The following NIBAN2 variants were observed in gnomAD, a reference collection of about 807,000 sequenced individuals.
NIBAN2 encodes niban apoptosis regulator 2, also known as protein Niban 2.
NIBAN2 carries 36 observed loss-of-function variants against 81.8 expected under a neutral mutation model. The ratio of observed to expected loss-of-function variants is 0.44; its 90% confidence interval spans 0.34 to 0.58. The LOEUF is 0.58. NIBAN2 is among the 20% of genes least tolerant of loss of function. The probability of loss-of-function intolerance (pLI) is 0.02; values close to 1 mark genes in which losing one functional copy is unlikely to be tolerated. For missense variants in NIBAN2, 897 were observed against 1,014.1 expected (o/e 0.88, Z 1.57); for synonymous variants, 445 against 441.6 (o/e 1.01, Z -0.10).
intron 1 of NIBAN2, among the ~76,000 whole-genome samples, chr9:127,537,437 A>C (rs918248973): frequency 6.6e-6 from 1 of 152,228 alleles, no homozygotes; most frequent in African/African-American, 2.4e-5. Context: ...TAATCCAATA[A>C]AGATTTGTTT....
At chr9:127,526,673 C>A (rs889411669) in intron 3 of NIBAN2, among the ~76,000 whole-genome samples, 1 of 152,168 alleles carries the variant, frequency 6.6e-6, no homozygotes, top group Non-Finnish European at 1.5e-5. Flanking sequence ...GTGGCTCAAC[C>A]AGGTGGGGCT....
chr9:127,521,422 G>A lies in NIBAN2; in HGVS notation c.589+2257C>T, dbSNP rs139910110. On this transcript the variant is annotated intron_variant, in intron 5 of 13. Transcript: ENST00000373312. ...AGAAGCCTTGACCTCTGCACCCCAG[G>A]CCAACACTGAGGACCCGGCACAGCC... 4.2e-3 allele frequency among the ~76,000 whole-genome samples: 643 copies of A among 152,236 alleles called. 4 individuals carry two copies. Among genetic ancestry groups the A allele is most frequent in the African/African-American group, 0.015 (618 of 41,530 alleles).
intron 1 of NIBAN2, among the ~76,000 whole-genome samples, chr9:127,542,052 C>A (rs1283257555): frequency 1.3e-5 from 2 of 152,166 alleles, no homozygotes; most frequent in African/African-American, 4.8e-5. Context: ...CCTGCCTACT[C>A]CATCCTGGCT....
chr9:127,549,541 C>T (rs1662963929), intron 1 of NIBAN2, among the ~76,000 whole-genome samples: 1 of 152,230 alleles, frequency 6.6e-6, no homozygotes, highest in African/African-American at 2.4e-5. Flanking sequence ...TGTGCACACA[C>T]ATGCATGCTG....
chr9:127,524,396 C>A (rs1837020941), intron 4 of NIBAN2, among the ~76,000 whole-genome samples: 1 of 152,218 alleles, frequency 6.6e-6, no homozygotes, highest in Non-Finnish European at 1.5e-5. Flanking sequence ...AATAACAGTT[C>A]TTCTTTCTGC....
intron 1 of NIBAN2, 34 bp downstream of exon 1, chr9:127,568,786 C>A (rs1391186025): frequency 3.1e-6 from 4 of 1,282,872 alleles, no homozygotes; most frequent in African/African-American, 1.6e-5. Context: ...TTCCGGCAGG[C>A]CCCTGGGCGC....
chr9:127,548,518 G>A (rs1419550731), intron 1 of NIBAN2, among the ~76,000 whole-genome samples: 1 of 152,174 alleles, frequency 6.6e-6, no homozygotes, highest in Non-Finnish European at 1.5e-5. Context: ...AGCCTTAGGG[G>A]GTGGAGAAGT....
chr9:127,531,163 G>A (rs934891444), intron 2 of NIBAN2, among the ~76,000 whole-genome samples: 7 of 137,894 alleles, frequency 5.1e-5, no homozygotes, highest in Admixed American at 2.3e-4. Flanking sequence ...CTGGGCAACA[G>A]CAAGACCCAG....
rs766476603 is a variant in NIBAN2 at position 127,517,066 on chromosome 9, C to A, written c.810+46G>T. On this transcript the variant is annotated intron_variant, in intron 7 of 13. Transcript: ENST00000373312. The surrounding 1 kb of genome is among the most constrained non-coding windows in gnomAD (Gnocchi z 4.0). ...TGGCACCAGGGCTGAGGGCACCGCA[C>A]CAGCTGCAGGTCCCGTCCCCGCTCC... 2.5e-6 allele frequency: 4 copies of A among 1,610,542 alleles called. No individual in the cohort carries two copies. Among genetic ancestry groups the A allele is most frequent in the Non-Finnish European group, 3.4e-6 (4 of 1,177,448 alleles).
chr9:127,547,472 G>T (rs902973899), intron 1 of NIBAN2, among the ~76,000 whole-genome samples: 1 of 151,706 alleles, frequency 6.6e-6, no homozygotes, highest in African/African-American at 2.4e-5. Flanking sequence ...AGCTGAGATC[G>T]CGCCACTGCA....
In NIBAN2 at chr9:127,523,685, T is replaced by C; in HGVS notation, c.583A>G (p.Asn195Asp). ...GCACCCACAGGCCACTCACCATTGT[T>C]GCAGTGCCGGATGCAGTCCTGCAGC... is the stretch of plus-strand genomic sequence containing the variant. ...AVLQDCIRHC[N>D]NGIPEDSKVE... Residue 195 changes from asparagine to aspartate, a missense_variant, in exon 5 of 14, where the codon AAC becomes GAC. Physicochemically the swap from Asn to Asp is conservative, Grantham distance 23 (BLOSUM62 1). Transcript: ENST00000373312. The C allele has an allele frequency of 1.2e-6, 2 of 1,610,106 alleles. No homozygotes were observed. Among genetic ancestry groups the C allele is most frequent in the Non-Finnish European group, 1.7e-6 (2 of 1,176,938 alleles).
intron 1 of NIBAN2, among the ~76,000 whole-genome samples, chr9:127,561,577 G>C (rs1837775207): frequency 6.6e-6 from 1 of 152,174 alleles, no homozygotes; most frequent in Admixed American, 6.5e-5. Context: ...GCAGAGCCAG[G>C]ACTCAAACCC....
chr9:127,570,106 T>G (rs1837929769), upstream of NIBAN2, among the ~76,000 whole-genome samples: 1 of 152,180 alleles, frequency 6.6e-6, no homozygotes, highest in Admixed American at 6.5e-5. Flanking sequence ...ACTTTCTGCT[T>G]GTTGACCCCT....
intron 1 of NIBAN2, among the ~76,000 whole-genome samples, chr9:127,548,290 G>A (rs1158981607): frequency 6.6e-6 from 1 of 152,134 alleles, no homozygotes; most frequent in Non-Finnish European, 1.5e-5. Flanking sequence ...CAAACGTACC[G>A]CACCCCTGAG....
chr9:127,523,192 AATATATATATATATATATATAT>A (rs71380069), intron 5 of NIBAN2, among the ~76,000 whole-genome samples: 8 of 13,452 alleles, frequency 5.9e-4, no homozygotes, highest in East Asian at 3.0e-3. Context: ...AAAAAAAAAA[AATATATATATATATATATATAT>A]ATATATATAT....
At chr9:127,540,966 C>T (rs370020359) in intron 1 of NIBAN2, among the ~76,000 whole-genome samples, 8 of 152,364 alleles carry the variant, frequency 5.3e-5, no homozygotes, top group African/African-American at 1.7e-4. Flanking sequence ...GGGGCAGGCT[C>T]AGAACCTGCC....
At chr9:127,576,237 C>T (rs1838007470) in intron 1 of NIBAN2, among the ~76,000 whole-genome samples, 2 of 152,044 alleles carry the variant, frequency 1.3e-5, no homozygotes, top group African/African-American at 2.4e-5. Context: ...TAGACCTATA[C>T]TGAAACACTC....
chr9:127,518,023 C>T, intron 5 of NIBAN2, 82 bp from the exon 6 acceptor site: 1 of 756,776 alleles, frequency 1.3e-6, no homozygotes, highest in Non-Finnish European at 2.1e-6. Context: ...CTGACCAAAA[C>T]CCCCCCCACA....
intron 1 of NIBAN2, among the ~76,000 whole-genome samples, chr9:127,539,337 C>T (rs769135979): frequency 1.3e-5 from 2 of 152,134 alleles, no homozygotes; most frequent in African/African-American, 2.4e-5. Flanking sequence ...CCTGGTTTTC[C>T]ACTCTCTTGC....
Sources: gnomAD v4.1 joint callset for allele counts (sites outside exome capture counted in the v4.1 genomes callset) on GRCh38, gnomAD v4.1.1 for gene constraint, Gnocchi (gnomAD v3.1) non-coding constraint, MANE v1.5 for transcripts, NCBI Gene and HGNC (gene_info 2026-07-23, HGNC 2026-07-21) for gene names.